Variants in PDXDC1 observed in about 807,000 individuals in gnomAD.
PDXDC1 encodes pyridoxal dependent decarboxylase domain containing 1.
In PDXDC1, 42 loss-of-function variants were observed where a neutral mutation model predicts 100.1. The observed-to-expected ratio is 0.42, with a 90% CI of 0.33 to 0.54. The LOEUF (loss-of-function observed/expected upper bound fraction) is 0.54. Among genes scored for constraint, PDXDC1 ranks in the 20% least tolerant of loss-of-function variants. PDXDC1 has a pLI of 0.10. For missense variants in PDXDC1, 636 were observed against 979.2 expected (o/e 0.65, Z 4.68); for synonymous variants, 260 against 371.7 (o/e 0.70, Z 3.46).
intron 16 of PDXDC1, among the ~76,000 whole-genome samples, chr16:15,073,458 A>G (rs2045323965): frequency 6.7e-6 from 1 of 149,858 alleles, no homozygotes; most frequent in South Asian, 2.1e-4. Context: ...GTGGCTATTT[A>G]AAAAAAAAAG....
intron 4 of PDXDC1, 181 bp downstream of exon 4, chr16:15,002,037 A>T (rs1973276708): frequency 9.9e-6 from 6 of 608,568 alleles, no homozygotes; most frequent in Non-Finnish European, 1.7e-5. Flanking sequence ...AAATGAAGGC[A>T]TTTATTGAAA....
chr16:15,128,199 A>C, intron 16 of PDXDC1: 1 of 1,610,948 alleles, frequency 6.2e-7, no homozygotes, highest in Non-Finnish European at 8.5e-7. Context: ...AGAGGGGCAG[A>C]GCTTGGCAGG....
At chr16:14,984,830 G>T (rs1313402252) in intron 1 of PDXDC1, among the ~76,000 whole-genome samples, 1 of 152,176 alleles carries the variant, frequency 6.6e-6, no homozygotes, top group Non-Finnish European at 1.5e-5. Flanking sequence ...TGGTGAACTG[G>T]TTTAACTGAG....
At chr16:15,105,748 T>C in intron 16 of PDXDC1, 1 of 979,214 alleles carries the variant, frequency 1.0e-6, no homozygotes, top group Non-Finnish European at 1.4e-6. Context: ...TCGGCAGCTT[T>C]TGAAGGTACA....
At chr16:14,995,726 C>T (rs1484242747) in intron 1 of PDXDC1, among the ~76,000 whole-genome samples, 4 of 152,294 alleles carry the variant, frequency 2.6e-5, no homozygotes, top group Non-Finnish European at 5.9e-5. Context: ...GTACCAGCTC[C>T]TCCTTTTACC....
At chr16:15,034,249 C>T (rs764142180) in intron 19 of PDXDC1, 37 bp from the exon 20 acceptor site, 14 of 1,594,190 alleles carry the variant, frequency 8.8e-6, no homozygotes, top group Non-Finnish European at 5.2e-6. Context: ...CAGGTGAGAA[C>T]CTTAAACAAG....
At chr16:15,082,723 T>G (rs2045758383) in intron 16 of PDXDC1, among the ~76,000 whole-genome samples, 1 of 152,056 alleles carries the variant, frequency 6.6e-6, no homozygotes, top group African/African-American at 2.4e-5. Flanking sequence ...TCAGTCGCAC[T>G]TGGTCATGGT....
intron 16 of PDXDC1, chr16:15,125,450 G>T: frequency 1.1e-6 from 1 of 880,784 alleles, no homozygotes; most frequent in South Asian, 1.3e-5. Context: ...GTGACCACAT[G>T]GAGCCACAGA....
intron 16 of PDXDC1, among the ~76,000 whole-genome samples, chr16:15,088,713 T>C (rs2046002850): frequency 6.6e-6 from 1 of 152,086 alleles, no homozygotes; most frequent in Non-Finnish European, 1.5e-5. Context: ...GAAGGAAAAG[T>C]ATGTTTTCAG....
chr16:15,144,701 C>T, the PDXDC1 span, among the ~76,000 whole-genome samples: 2 of 152,154 alleles, frequency 1.3e-5, no homozygotes, highest in South Asian at 4.1e-4. Flanking sequence ...TCAGGTCCTC[C>T]CGGGACCCAC....
chr16:15,087,156 G>C (rs1273810413), intron 16 of PDXDC1, among the ~76,000 whole-genome samples: 2 of 152,006 alleles, frequency 1.3e-5, no homozygotes, highest in African/African-American at 4.8e-5. Context: ...AAACCATTAA[G>C]AAAAAGCCCC....
intron 16 of PDXDC1, chr16:15,130,534 C>T (rs2047996411): frequency 7.5e-7 from 1 of 1,326,176 alleles, no homozygotes. Context: ...ATACCCGGTC[C>T]AGTCCCCTCG....
At chr16:15,067,156 C>T (rs1380638091) in intron 16 of PDXDC1, among the ~76,000 whole-genome samples, 1 of 151,514 alleles carries the variant, frequency 6.6e-6, no homozygotes, top group Non-Finnish European at 1.5e-5. Context: ...TTGAACCAGA[C>T]GCCTAGCAAA....
chr16:14,991,561 C>G (rs1970845460), intron 1 of PDXDC1, among the ~76,000 whole-genome samples: 1 of 144,360 alleles, frequency 6.9e-6, no homozygotes, highest in Non-Finnish European at 1.5e-5. Flanking sequence ...GGTTGTTGCT[C>G]TGTCACCCAG....
rs1156681498 is a variant in PDXDC1, at chr16:15,065,083, G to A, written c.1399+35027G>A. On this transcript the variant is annotated intron_variant, in intron 16 of 16. Coordinates refer to the PDXDC1 transcript ENST00000535621. ...CGGGAGGCTGAGTCAGGAGAATGGT[G>A]TGAACCCGGGAGGCGGAGCTTGCGG... 3 of 813,476 alleles carry A rather than the reference G, an allele frequency of 3.7e-6. No individual in the cohort carries two copies. In the East Asian group the frequency reaches 7.7e-5, roughly 21 times the overall value. 50.4% of individuals were successfully genotyped at this position (813,476 alleles called of 1,614,324 possible).
chr16:14,979,574 G>GCTA (rs1331348348), intron 1 of PDXDC1, among the ~76,000 whole-genome samples: 1 of 152,286 alleles, frequency 6.6e-6, no homozygotes, highest in African/African-American at 2.4e-5. Context: ...ACAGGCATGA[G>GCTA]CTACTGTGCC....
At chr16:15,038,809 T>C (rs2043671012), downstream of PDXDC1, 3 of 598,636 alleles carry the variant, frequency 5.0e-6, no homozygotes, top group East Asian at 2.8e-5. Context: ...TCTTAAAACC[T>C]GTCTCAAATA....
At chr16:15,025,811 G>A (rs1300358553) in intron 13 of PDXDC1, 4 of 152,566 alleles carry the variant, frequency 2.6e-5, no homozygotes, top group Non-Finnish European at 4.4e-5. Flanking sequence ...GGATGCTTAC[G>A]GTACCCTGAC....
chr16:14,996,445 TATATA>T (rs1226937402), intron 1 of PDXDC1: 4 of 223,972 alleles, frequency 1.8e-5, no homozygotes, highest in Non-Finnish European at 3.5e-5. Context: ...TGTAATATAA[TATATA>T]ATATATAATT....
Sources: allele counts gnomAD v4.1 joint callset (sites outside exome capture counted in the v4.1 genomes callset), GRCh38; gene constraint gnomAD v4.1.1; transcripts MANE v1.5; gene names NCBI Gene and HGNC (gene_info 2026-07-23, HGNC 2026-07-21).